The following SHC4 variants were observed in gnomAD, a reference collection of about 807,000 sequenced individuals.
SHC4 encodes the protein SHC-transforming protein 4.
In SHC4, 41 loss-of-function variants were observed where a neutral mutation model predicts 69.4. The observed-to-expected ratio is 0.59, with a 90% CI of 0.46 to 0.77. SHC4 has a LOEUF of 0.77. Ranked by LOEUF, SHC4 falls within the 30% of genes least tolerant of loss-of-function variation. The pLI is 0.00. For missense variants in SHC4, 777 were observed against 783.8 expected (o/e 0.99, Z 0.10); for synonymous variants, 318 against 299.3 (o/e 1.06, Z -0.64).
chr15:48,950,661 T>C (rs1901351372), intron 1 of SHC4, among the ~76,000 whole-genome samples: 1 of 152,012 alleles, frequency 6.6e-6, no homozygotes. Context: ...AAAGGTGGAA[T>C]TGACAGTTTG....
At chr15:48,951,705 A>T (rs553979917) in intron 1 of SHC4, among the ~76,000 whole-genome samples, 1 of 152,194 alleles carries the variant, frequency 6.6e-6, no homozygotes, top group East Asian at 1.9e-4. Flanking sequence ...GCCTATGGAA[A>T]CTCTACCTAT....
intron 1 of SHC4, among the ~76,000 whole-genome samples, chr15:48,941,740 C>G (rs1360149091): frequency 6.6e-6 from 1 of 152,148 alleles, no homozygotes; most frequent in Admixed American, 6.5e-5. Context: ...GGATACCTTT[C>G]TGGGAATCTT....
At chr15:48,955,263 G>A (rs945018395) in intron 1 of SHC4, among the ~76,000 whole-genome samples, 3 of 152,148 alleles carry the variant, frequency 2.0e-5, no homozygotes, top group Non-Finnish European at 2.9e-5. Context: ...CCAATACCAC[G>A]GGTGGGTGTG....
intron 1 of SHC4, among the ~76,000 whole-genome samples, chr15:48,962,183 C>T (rs763926473): frequency 1.1e-4 from 16 of 152,134 alleles, no homozygotes; most frequent in Non-Finnish European, 1.9e-4. Flanking sequence ...CTGCCAAGTA[C>T]CCACAAGTTC....
At chr15:48,886,923 G>T (rs1268632593) in intron 3 of SHC4, among the ~76,000 whole-genome samples, 1 of 152,138 alleles carries the variant, frequency 6.6e-6, no homozygotes, top group Non-Finnish European at 1.5e-5. Flanking sequence ...GTGGAGGCAG[G>T]CCTGGCAGAG....
intron 4 of SHC4, among the ~76,000 whole-genome samples, chr15:48,880,568 G>GT (rs2141000523): frequency 6.6e-6 from 1 of 151,700 alleles, no homozygotes; most frequent in South Asian, 2.1e-4. Flanking sequence ...AAACTAGAAG[G>GT]TTGTGATTCT....
rs759130944 is a variant in SHC4, at chr15:48,834,749, T to C, written c.1737+20A>G. ...ATAGAACAACATCCTGTGAAACCTCTAATGAGAAGTCAATGATACCTTGCC... is the reference window on the plus strand; with the variant it reads ...ATAGAACAACATCCTGTGAAACCTCCAATGAGAAGTCAATGATACCTTGCC... On this transcript the variant is annotated intron_variant, in intron 11 of 11. Coordinates refer to ENST00000332408, the MANE Select transcript of SHC4 (RefSeq NM_203349.4). 11 of 1,612,840 alleles carry C rather than the reference T, an allele frequency of 6.8e-6. No individual in the cohort carries two copies. In the Admixed American group the frequency reaches 1.0e-4, roughly 15 times the overall value.
At chr15:48,922,914 T>C (rs896905472) in intron 2 of SHC4, among the ~76,000 whole-genome samples, 1 of 152,172 alleles carries the variant, frequency 6.6e-6, no homozygotes, top group East Asian at 1.9e-4. Flanking sequence ...GCACTGAGAA[T>C]GTGTAAGAGA....
chr15:48,887,471 C>T (rs1365054053), intron 3 of SHC4, among the ~76,000 whole-genome samples: 1 of 152,026 alleles, frequency 6.6e-6, no homozygotes, highest in African/African-American at 2.4e-5. Context: ...GTATAAAAAC[C>T]ACCGCATACC....
chr15:48,917,277 G>GTGTGTGTGTGTGTGTGTGTA, intron 2 of SHC4, among the ~76,000 whole-genome samples: 1 of 147,538 alleles, frequency 6.8e-6, no homozygotes, highest in Non-Finnish European at 1.5e-5. Flanking sequence ...GTGTGTGTGT[G>GTGTGTGTGTGTGTGTGTGTA]TGTGTGTGTG....
chr15:48,876,424 G>A, intron 4 of SHC4: 1 of 375,118 alleles, frequency 2.7e-6, no homozygotes, highest in East Asian at 3.8e-5. Context: ...TAGAAGCACA[G>A]AACTAATGGA....
chr15:48,911,448 G>A (rs962024834), intron 2 of SHC4, among the ~76,000 whole-genome samples: 2 of 152,078 alleles, frequency 1.3e-5, no homozygotes, highest in Non-Finnish European at 2.9e-5. Context: ...GTTACTTTAT[G>A]TGAGTCCTTA....
At chr15:48,884,018 A>C (rs1386149788) in intron 4 of SHC4, among the ~76,000 whole-genome samples, 1 of 152,224 alleles carries the variant, frequency 6.6e-6, no homozygotes, top group Non-Finnish European at 1.5e-5. Flanking sequence ...TTAGTTCTTC[A>C]TTCAAAGCCA....
chr15:48,826,990 T>G (rs905688680), intron 11 of SHC4, among the ~76,000 whole-genome samples: 1 of 152,218 alleles, frequency 6.6e-6, no homozygotes, highest in Non-Finnish European at 1.5e-5. Context: ...TCTTATGGCA[T>G]GCCTTCTATG....
At chr15:48,896,544 C>T (rs1900224786) in intron 2 of SHC4, among the ~76,000 whole-genome samples, 2 of 152,262 alleles carry the variant, frequency 1.3e-5, no homozygotes, top group South Asian at 4.1e-4. Context: ...TGGTCTCAAA[C>T]TCCTGACCTC....
At chr15:48,891,893 C>A (rs181429418) in intron 2 of SHC4, among the ~76,000 whole-genome samples, 239 of 152,124 alleles carry the variant, frequency 1.6e-3, no homozygotes, top group African/African-American at 5.4e-3. Context: ...CTCGCTCTGT[C>A]GCCCAGGCTG....
chr15:48,878,361 A>C (rs752702144), intron 4 of SHC4: 3 of 1,613,190 alleles, frequency 1.9e-6, no homozygotes, highest in East Asian at 2.2e-5. Context: ...GAGGAGGAGG[A>C]GGCCCAGCCA....
At position 48,823,978 on chromosome 15, in the gene SHC4, C is replaced by A. The variant is rs1595721658; in HGVS notation, c.*1993G>T. On this transcript the variant is annotated 3_prime_UTR_variant, in exon 12 of 12. Transcript: ENST00000332408. The stretch of plus-strand genomic sequence containing the variant: ...GTGTACTGCTGACACCATTTACAGT[C>A]ATTGCATCTATTTGTATCAGGAACT... The A allele has an allele frequency of 6.6e-6, 1 of 152,178 alleles. No individual in the cohort carries two copies. The highest frequency in any genetic ancestry group is 1.9e-4 in the East Asian group (1 of 5,198). 9.4% of individuals were successfully genotyped at this position (152,178 alleles called of 1,614,324 possible). A position where few individuals can be genotyped will look rare whatever the true frequency, so the allele number is the denominator to read the frequency against.
At chr15:48,902,202 CAAA>C (rs35158653) in intron 2 of SHC4, among the ~76,000 whole-genome samples, 12 of 73,504 alleles carry the variant, frequency 1.6e-4, no homozygotes, top group Admixed American at 1.4e-4. Context: ...GACTGTGTCT[CAAA>C]AAAAAAAAAA....
Sources: gnomAD v4.1 joint callset for allele counts (sites outside exome capture counted in the v4.1 genomes callset) on GRCh38, gnomAD v4.1.1 for gene constraint, MANE v1.5 for transcripts, NCBI Gene and HGNC (gene_info 2026-07-23, HGNC 2026-07-21) for gene names.